The following CPT1A variants were observed in gnomAD, a reference collection of about 807,000 sequenced individuals.
CPT1A encodes the protein carnitine O-palmitoyltransferase 1, liver isoform.
Under a neutral mutation model 100.8 loss-of-function variants are expected in CPT1A, and 64 were observed. The ratio of observed to expected loss-of-function variants is 0.63; its 90% CI spans 0.52 to 0.78. The LOEUF (loss-of-function observed/expected upper bound fraction) is 0.78, where lower values mean the gene tolerates loss of function less well. Among genes scored for constraint, CPT1A ranks in the 30% least tolerant of loss-of-function variants. CPT1A has a pLI of 0.00. For missense variants in CPT1A, 802 were observed against 1,034.1 expected (o/e 0.78, Z 3.08); for synonymous variants, 363 against 396.0 (o/e 0.92, Z 0.99).
upstream of CPT1A, among the ~76,000 whole-genome samples, chr11:68,842,778 G>T (rs1428265626): frequency 6.6e-6 from 1 of 151,890 alleles, no homozygotes; most frequent in African/African-American, 2.4e-5. Flanking sequence ...TAGGGCGAGC[G>T]CAGCTGCAGG....
Position 68,841,824 on chromosome 11 carries a change from C to CGGCGGCGGT in CPT1A, c.-72_-64dup. 1.0e-6 allele frequency: 1 copy of CGGCGGCGGT among 998,402 alleles called. No individual in the cohort carries two copies. The highest frequency in any genetic ancestry group is 1.2e-6 in the Non-Finnish European group (1 of 840,902). 61.8% of individuals were successfully genotyped at this position (998,402 alleles called of 1,614,324 possible). ...GCGGCAGCGGCAGCGGCGGCGGCGG[C>CGGCGGCGGT]GGCGGCGGTGGAGTGAACGAGCGGC... On this transcript the variant is annotated 5_prime_UTR_variant, in exon 1 of 19. Coordinates refer to ENST00000265641, the MANE Select transcript of CPT1A (RefSeq NM_001876.4). This position sits in a 1 kb window ranked among gnomAD's most constrained non-coding sequence, Gnocchi z 6.3.
At chr11:68,761,874 G>A (rs1854631518) in intron 15 of CPT1A, among the ~76,000 whole-genome samples, 187 bp from the exon 16 acceptor site, 1 of 152,156 alleles carries the variant, frequency 6.6e-6, no homozygotes, top group Admixed American at 6.5e-5. Context: ...TCCTCCCAAA[G>A]TACTGGGATT....
Position 68,768,852 on chromosome 11 carries a change from T to C in CPT1A, c.1740+4413A>G, listed in dbSNP as rs180724709. Among the ~76,000 whole-genome samples the C allele has an allele frequency of 4.6e-5, 7 of 152,288 alleles. No homozygotes were observed. The East Asian group carries it at 1.4e-3, about 29-fold the overall frequency. ...GTCTGTGCTGCTCCCAGTCCTGCCA[T>C]GGGGCCCCTAAATTTATTAAAACTA... On this transcript the variant is annotated intron_variant, in intron 14 of 18. Coordinates refer to ENST00000265641, the MANE Select transcript of CPT1A (RefSeq NM_001876.4).
Position 68,780,632 on chromosome 11 carries a change from A to C in CPT1A, c.1458+8T>G, listed in dbSNP as rs2153997771. On this transcript the variant is annotated splice_region_variant and intron_variant, in intron 12 of 18. Coordinates refer to ENST00000265641, the MANE Select transcript of CPT1A (RefSeq NM_001876.4). ...TTCCACATTCAAGTGAAAAGTGTGA[A>C]AACTCACCTCCCAAAGGTGGGCCAC... is the stretch of plus-strand genomic sequence containing the variant. 1.9e-6 allele frequency: 3 copies of C among 1,613,302 alleles called. No homozygotes were observed. Among genetic ancestry groups the C allele is most frequent in the Non-Finnish European group, 2.5e-6 (3 of 1,179,184 alleles).
intron 9 of CPT1A, among the ~76,000 whole-genome samples, chr11:68,792,154 G>A (rs1003763163): frequency 7.9e-5 from 12 of 151,846 alleles, no homozygotes; most frequent in African/African-American, 2.2e-4. Flanking sequence ...TGGCTAACAC[G>A]GTGAAACTCC....
At chr11:68,799,487 G>T in intron 5 of CPT1A, 132 bp from the exon 6 acceptor site, 1 of 991,118 alleles carries the variant, frequency 1.0e-6, no homozygotes, top group Non-Finnish European at 1.5e-6. Context: ...GGTGGCTCAT[G>T]CTTGTAATCC....
chr11:68,773,255 C>T lies in CPT1A; in HGVS notation c.1740+10G>A, dbSNP rs1342674051. The T allele has an allele frequency of 6.2e-7, 1 of 1,613,800 alleles. No homozygotes were observed. On this transcript the variant is annotated intron_variant, in intron 14 of 18. Coordinates refer to ENST00000265641, the MANE Select transcript of CPT1A (RefSeq NM_001876.4). ...TGCTCACGACAAAACCCTAGGCGGT[C>T]AGTTCTTACCTTGTAGTGCGCCAGC...
intron 9 of CPT1A, among the ~76,000 whole-genome samples, chr11:68,789,065 G>C (rs1029619265): frequency 6.6e-6 from 1 of 152,190 alleles, no homozygotes; most frequent in Non-Finnish European, 1.5e-5. Flanking sequence ...GAATTGTTTT[G>C]ATACTATAAC....
chr11:68,787,431 C>CA (rs773513607), intron 9 of CPT1A, among the ~76,000 whole-genome samples: 15,080 of 106,602 alleles, frequency 0.14, 824 homozygotes, highest in Middle Eastern at 0.16. Context: ...GACTCTGTCT[C>CA]AAAAAAAAAA....
intron 1 of CPT1A, among the ~76,000 whole-genome samples, chr11:68,816,524 T>C (rs1375525260): frequency 6.6e-6 from 1 of 152,162 alleles, no homozygotes; most frequent in Non-Finnish European, 1.5e-5. Flanking sequence ...ACATTCTTCC[T>C]GTACCCTTCA....
intron 3 of CPT1A, among the ~76,000 whole-genome samples, chr11:68,810,966 C>T (rs762900785): frequency 7.2e-5 from 11 of 152,086 alleles, no homozygotes; most frequent in African/African-American, 1.2e-4. Flanking sequence ...GCCTGGGCAA[C>T]GGAGCAAAAA....
chr11:68,812,413 T>C (rs1258867260), intron 3 of CPT1A, 24 bp downstream of exon 3: 3 of 1,613,678 alleles, frequency 1.9e-6, no homozygotes. Flanking sequence ...CCCAGACAAT[T>C]GGAGATTTCA....
intron 14 of CPT1A, among the ~76,000 whole-genome samples, chr11:68,771,661 T>C (rs901846282): frequency 6.6e-6 from 1 of 152,242 alleles, no homozygotes; most frequent in Admixed American, 6.5e-5. Context: ...TTACAGACTG[T>C]ATTAGCATGC....
At chr11:68,804,992 T>C (rs568599729) in intron 4 of CPT1A, among the ~76,000 whole-genome samples, 2 of 152,310 alleles carry the variant, frequency 1.3e-5, no homozygotes, top group Admixed American at 6.5e-5. Context: ...CTGCAGGGCA[T>C]TGGGACTCAG....
intron 15 of CPT1A, among the ~76,000 whole-genome samples, chr11:68,761,906 C>T (rs753016957): frequency 2.0e-5 from 3 of 150,354 alleles, no homozygotes; most frequent in Non-Finnish European, 4.4e-5. Context: ...TCACCGCGCC[C>T]GGTCTGACAG....
At chr11:68,766,939 G>A (rs1045210855) in intron 14 of CPT1A, among the ~76,000 whole-genome samples, 2 of 152,106 alleles carry the variant, frequency 1.3e-5, no homozygotes, top group African/African-American at 4.8e-5. Flanking sequence ...GGAAACTTCT[G>A]TAAAATGCAG....
rs372816851 is a variant in CPT1A at position 68,778,084 on chromosome 11, G to GTT, written c.1458+2554_1458+2555dup. Among the ~76,000 whole-genome samples, 3 of 147,484 alleles carry GTT rather than the reference G, an allele frequency of 2.0e-5. No individual in the cohort carries two copies. In the South Asian group the frequency reaches 6.5e-4, roughly 32 times the overall value. On this transcript the variant is annotated intron_variant, in intron 12 of 18. Coordinates refer to ENST00000265641, the MANE Select transcript of CPT1A (RefSeq NM_001876.4). ...GGTGTCTTAAAGCCTAGAGCACTAT[G>GTT]TTTTTTTTTTTCCTTTTTATCCTTT... is the stretch of plus-strand genomic sequence containing the variant.
At chr11:68,811,552 G>T (rs897735493) in intron 3 of CPT1A, among the ~76,000 whole-genome samples, 1 of 152,158 alleles carries the variant, frequency 6.6e-6, no homozygotes. Context: ...GGCAGGGGGT[G>T]GGGGGACCTC....
In CPT1A at chr11:68,773,467, G is replaced by A. The variant is rs747396778; in HGVS notation, c.1576-38C>T. 5.0e-6 allele frequency: 8 copies of A among 1,613,724 alleles called. No individual in the cohort carries two copies. The South Asian group carries it at 6.6e-5, about 13-fold the overall frequency. Reference sequence around the variant, plus strand: ...AAGAAAAAGGTTTTACGGAACGAGGGGAGAAAAGTACTGACGCACACCCAG... The same window carrying A: ...AAGAAAAAGGTTTTACGGAACGAGGAGAGAAAAGTACTGACGCACACCCAG... On this transcript the variant is annotated intron_variant, in intron 13 of 18. Coordinates refer to ENST00000265641, the MANE Select transcript of CPT1A (RefSeq NM_001876.4).
Sources: allele counts gnomAD v4.1 joint callset (sites outside exome capture counted in the v4.1 genomes callset), GRCh38; gene constraint gnomAD v4.1.1; non-coding constraint Gnocchi (gnomAD v3.1); transcripts MANE v1.5; gene names NCBI Gene and HGNC (gene_info 2026-07-23, HGNC 2026-07-21).